Variants in IL1RAP observed in about 807,000 individuals in gnomAD.
IL1RAP encodes interleukin 1 receptor accessory protein.
In IL1RAP, 35 loss-of-function variants were observed where a neutral mutation model predicts 60.7. That is an observed-to-expected ratio of 0.58 (90% confidence interval 0.44 to 0.76). The LOEUF (loss-of-function observed/expected upper bound fraction) is 0.76. IL1RAP is among the 30% of genes least tolerant of loss of function. The pLI, the probability that IL1RAP is intolerant of heterozygous loss-of-function variation, is 0.00. For missense variants in IL1RAP, 572 were observed against 693.9 expected (o/e 0.82, Z 1.97); for synonymous variants, 268 against 250.9 (o/e 1.07, Z -0.64).
intron 1 of IL1RAP, among the ~76,000 whole-genome samples, chr3:190,524,727 G>A (rs546946608): frequency 6.6e-6 from 1 of 152,116 alleles, no homozygotes; most frequent in Non-Finnish European, 1.5e-5. Flanking sequence ...CAATAAGGAG[G>A]CAATGATACA....
At chr3:190,656,037 T>A (rs1399004340), downstream of IL1RAP, 3 of 1,537,196 alleles carry the variant, frequency 2.0e-6, no homozygotes, top group Non-Finnish European at 2.6e-6. Context: ...CCAAGCTCAT[T>A]GTGGTTGAGT....
intron 3 of IL1RAP, among the ~76,000 whole-genome samples, chr3:190,568,436 A>G (rs1726615239): frequency 6.6e-6 from 1 of 152,212 alleles, no homozygotes; most frequent in Non-Finnish European, 1.5e-5. Flanking sequence ...GTGCTCTGCT[A>G]CTAGAAGTAA....
At chr3:190,526,096 A>C (rs546708677) in intron 1 of IL1RAP, among the ~76,000 whole-genome samples, 1 of 152,364 alleles carries the variant, frequency 6.6e-6, no homozygotes, top group East Asian at 1.9e-4. Flanking sequence ...TGATGTGTTT[A>C]CTGGGCCCGT....
chr3:190,588,537 T>C (rs548895483), intron 3 of IL1RAP, among the ~76,000 whole-genome samples: 57 of 152,342 alleles, frequency 3.7e-4, no homozygotes, highest in African/African-American at 1.3e-3. Flanking sequence ...TCCTGGAATA[T>C]ATACCTGGAC....
At chr3:190,621,840 T>C (rs1731809625) in intron 6 of IL1RAP, among the ~76,000 whole-genome samples, 1 of 152,216 alleles carries the variant, frequency 6.6e-6, no homozygotes, top group Admixed American at 6.5e-5. Flanking sequence ...GGTTAATATA[T>C]GGCCAAATCA....
chr3:190,637,824 T>C (rs1733343455), intron 9 of IL1RAP, among the ~76,000 whole-genome samples: 1 of 151,500 alleles, frequency 6.6e-6, no homozygotes, highest in Non-Finnish European at 1.5e-5. Context: ...TATTTCCTTT[T>C]TTAGAATAGT....
In IL1RAP at chr3:190,623,405, G is replaced by T; in HGVS notation, c.765G>T (p.Glu255Asp). ...CACCTAATGATCATGTGGTCTATGA[G>T]AAAGAACCAGGTAATTACAGCTATG... is the stretch of plus-strand genomic sequence containing the variant. ...IHSPNDHVVY[E>D]KEPGEELLIP... Residue 255 changes from glutamate to aspartate, a missense_variant, in exon 7 of 12, where the codon GAG (glutamate) becomes GAT (aspartate). Coordinates refer to ENST00000447382, the MANE Select transcript of IL1RAP (RefSeq NM_002182.4). 1.2e-6 allele frequency: 2 copies of T among 1,610,330 alleles called. No individual in the cohort carries two copies. Among genetic ancestry groups the T allele is most frequent in the Non-Finnish European group, 1.7e-6 (2 of 1,176,720 alleles).
At position 190,649,937 on chromosome 3, in the gene IL1RAP, C is replaced by CAT. The variant is rs1577832988; in HGVS notation, c.*1240_*1241dup. The CAT allele has an allele frequency of 1.2e-5, 10 of 847,038 alleles. No homozygotes were observed. In the Admixed American group the frequency reaches 3.7e-4, roughly 32 times the overall value. 52.5% of individuals were successfully genotyped at this position (847,038 alleles called of 1,614,324 possible). On this transcript the variant is annotated 3_prime_UTR_variant, in exon 12 of 12. Transcript: ENST00000447382. Reference sequence around the variant, plus strand: ...ATATCTATGTTACATGTAGATTATACATATATATACACACGTGTATATGAG... The same window carrying CAT: ...ATATCTATGTTACATGTAGATTATACATATATATATACACACGTGTATATGAG...
chr3:190,608,127 TG>T (rs781203017), intron 4 of IL1RAP, among the ~76,000 whole-genome samples: 5 of 152,192 alleles, frequency 3.3e-5, no homozygotes, highest in Non-Finnish European at 7.3e-5. Flanking sequence ...TATTTTGCTG[TG>T]TTGAACAGCA....
chr3:190,652,434 C>T (rs1018207336), downstream of IL1RAP, among the ~76,000 whole-genome samples: 2 of 151,476 alleles, frequency 1.3e-5, no homozygotes, highest in African/African-American at 2.4e-5. Context: ...TGGACTCCAG[C>T]CTGGCGACAG....
Position 190,634,746 on chromosome 3 carries a change from C to T in IL1RAP, c.1051+5248C>T, listed in dbSNP as rs147181719. 4.4e-5 allele frequency among the ~76,000 whole-genome samples: 6 copies of T among 136,852 alleles called. 1 individual carries two copies. Among genetic ancestry groups the T allele is most frequent in the East Asian group, 2.2e-4 (1 of 4,478 alleles). 89.8% of individuals were successfully genotyped at this position (136,852 alleles called of 152,430 possible). On this transcript the variant is annotated intron_variant, in intron 9 of 11. Coordinates refer to ENST00000447382, the MANE Select transcript of IL1RAP (RefSeq NM_002182.4). ...TGTTGTTTTTTTTGAGAAGGAGTCT[C>T]GCTCTTTCGCCCAGGCTGGAGTGCA...
At chr3:190,644,089 T>A in intron 9 of IL1RAP, 159 bp from the exon 10 acceptor site, 19 of 978,918 alleles carry the variant, frequency 1.9e-5, no homozygotes, top group Non-Finnish European at 2.2e-5. Flanking sequence ...CAGTCTAGTA[T>A]TTTAAAATAG....
chr3:190,528,588 A>G (rs73198208), intron 1 of IL1RAP, among the ~76,000 whole-genome samples: 1 of 152,354 alleles, frequency 6.6e-6, no homozygotes, highest in Non-Finnish European at 1.5e-5. Flanking sequence ...TTCTGTAGGC[A>G]AGACACTGGT....
chr3:190,655,774 A>C, downstream of IL1RAP: 1 of 758,106 alleles, frequency 1.3e-6, no homozygotes. Context: ...CAGCACTGAG[A>C]TTCTGTCATC....
At chr3:190,585,534 G>A (rs1728376175) in intron 3 of IL1RAP, among the ~76,000 whole-genome samples, 1 of 152,092 alleles carries the variant, frequency 6.6e-6, no homozygotes, top group Non-Finnish European at 1.5e-5. Flanking sequence ...ACTTTAGGCT[G>A]GGCATGGTGG....
intron 10 of IL1RAP, 133 bp from the exon 11 acceptor site, chr3:190,645,566 T>A: frequency 1.5e-6 from 1 of 675,796 alleles, no homozygotes; most frequent in South Asian, 1.9e-5. Flanking sequence ...TGGAGACTTG[T>A]TGCAAGTAGA....
chr3:190,620,676 G>A (rs1300286390), intron 6 of IL1RAP, among the ~76,000 whole-genome samples: 1 of 152,142 alleles, frequency 6.6e-6, no homozygotes, highest in African/African-American at 2.4e-5. Context: ...AGTTTGGGGA[G>A]GGAAAGGAGC....
chr3:190,604,115 T>C lies in IL1RAP; in HGVS notation c.65-13T>C, dbSNP rs766879664. The stretch of plus-strand genomic sequence containing the variant: ...ACTCATCTGCCCCTTTCTTTCTTTT[T>C]TGATTATTCCAGAACGCTGCGATGA... On this transcript the variant is annotated splice_polypyrimidine_tract_variant and intron_variant, in intron 3 of 11. Transcript: ENST00000447382. 3 of 1,607,748 alleles carry C rather than the reference T, an allele frequency of 1.9e-6. No individual in the cohort carries two copies. The highest frequency in any genetic ancestry group is 1.1e-5 in the South Asian group (1 of 90,532).
intron 1 of IL1RAP, among the ~76,000 whole-genome samples, chr3:190,534,285 T>A (rs1039895082): frequency 7.2e-5 from 11 of 151,870 alleles, no homozygotes; most frequent in Non-Finnish European, 1.6e-4. Flanking sequence ...TTTTTTTTTT[T>A]AATGTAATGT....
Sources: gnomAD v4.1 joint callset for allele counts (sites outside exome capture counted in the v4.1 genomes callset) on GRCh38, gnomAD v4.1.1 for gene constraint, MANE v1.5 for transcripts, NCBI Gene and HGNC (gene_info 2026-07-23, HGNC 2026-07-21) for gene names.